Variants in ATF7IP observed in about 807,000 individuals in gnomAD.
The protein encoded by ATF7IP is activating transcription factor 7 interacting protein.
In ATF7IP, 23 loss-of-function variants were observed where a neutral mutation model predicts 106.4. The observed-to-expected ratio is 0.22, with a 90% CI of 0.16 to 0.31. ATF7IP has a LOEUF of 0.31. Among genes scored for constraint, ATF7IP ranks in the 10% least tolerant of loss-of-function variants. ATF7IP has a pLI of 1.00. For missense variants in ATF7IP, 1,334 were observed against 1,524.3 expected (o/e 0.88, Z 2.08); for synonymous variants, 542 against 539.0 (o/e 1.01, Z -0.08).
chr12:14,437,733 T>C (rs1195211091), intron 4 of ATF7IP, among the ~76,000 whole-genome samples: 1 of 152,232 alleles, frequency 6.6e-6, no homozygotes, highest in African/African-American at 2.4e-5. Context: ...TTAAGTTAGT[T>C]TGTCATTACT....
At chr12:14,432,246 A>G (rs1467750824) in intron 2 of ATF7IP, among the ~76,000 whole-genome samples, 1 of 152,190 alleles carries the variant, frequency 6.6e-6, no homozygotes, top group Non-Finnish European at 1.5e-5. Context: ...CTAAATAAAG[A>G]CTATGTAAAC....
rs938815732 is a variant in ATF7IP at position 14,411,489 on chromosome 12, A to G, written c.-7-12420A>G. Among the ~76,000 whole-genome samples, 7 of 152,128 alleles carry G rather than the reference A, an allele frequency of 4.6e-5. No homozygotes were observed. The East Asian group carries it at 1.3e-3, about 29-fold the overall frequency. On this transcript the variant is annotated intron_variant, in intron 1 of 14. Transcript: ENST00000261168. ...CACCATGGCACTTGTATACCTATGT[A>G]ACAAAACTGCACATTCTGCACATGT...
At chr12:14,495,183 G>T (rs570194250) in intron 13 of ATF7IP, among the ~76,000 whole-genome samples, 1 of 152,230 alleles carries the variant, frequency 6.6e-6, no homozygotes, top group East Asian at 1.9e-4. Context: ...GGGTGGATCT[G>T]CCTTCCCCAG....
chr12:14,480,805 C>G (rs1944405382), intron 12 of ATF7IP, among the ~76,000 whole-genome samples, 198 bp from the exon 13 acceptor site: 1 of 152,128 alleles, frequency 6.6e-6, no homozygotes, highest in Non-Finnish European at 1.5e-5. Context: ...TTCTTTTCCT[C>G]TGAAGCTTGG....
At chr12:14,471,943 TGG>T (rs1407335214) in intron 10 of ATF7IP, among the ~76,000 whole-genome samples, 3 of 152,152 alleles carry the variant, frequency 2.0e-5, no homozygotes, top group Admixed American at 2.0e-4. Flanking sequence ...AAATGATCAT[TGG>T]AAAAAGGCAA....
intron 1 of ATF7IP, among the ~76,000 whole-genome samples, chr12:14,380,174 A>G (rs190574667): frequency 2.0e-5 from 3 of 152,134 alleles, no homozygotes; most frequent in Admixed American, 2.0e-4. Context: ...ATAGCATTCT[A>G]TTCTTGACTC....
At chr12:14,397,533 G>T (rs376480872) in intron 1 of ATF7IP, among the ~76,000 whole-genome samples, 25 of 152,026 alleles carry the variant, frequency 1.6e-4, no homozygotes, top group African/African-American at 6.0e-4. Context: ...CTTTTATTGG[G>T]CATCCAAACA....
intron 1 of ATF7IP, among the ~76,000 whole-genome samples, chr12:14,416,396 TG>T (rs1403575294): frequency 6.6e-6 from 1 of 151,942 alleles, no homozygotes; most frequent in African/African-American, 2.4e-5. Flanking sequence ...TGAATATAAT[TG>T]GAATGCCTTT....
intron 1 of ATF7IP, among the ~76,000 whole-genome samples, chr12:14,398,218 G>T: frequency 6.6e-6 from 1 of 151,584 alleles, no homozygotes; most frequent in East Asian, 1.9e-4. Flanking sequence ...CATGCTTTGG[G>T]ATTATACCTT....
intron 10 of ATF7IP, among the ~76,000 whole-genome samples, chr12:14,474,662 G>A (rs1018183729): frequency 1.3e-5 from 2 of 152,118 alleles, no homozygotes; most frequent in African/African-American, 4.8e-5. Context: ...GCCAACCAAA[G>A]TACTGGGATT....
intron 5 of ATF7IP, among the ~76,000 whole-genome samples, chr12:14,441,610 C>T (rs923698951): frequency 6.6e-6 from 1 of 151,788 alleles, no homozygotes; most frequent in African/African-American, 2.4e-5. Flanking sequence ...CTGCCTCAGC[C>T]TCCCGAGCAG....
At chr12:14,415,029 A>T (rs1397053355) in intron 1 of ATF7IP, among the ~76,000 whole-genome samples, 1 of 152,114 alleles carries the variant, frequency 6.6e-6, no homozygotes. Context: ...TCAGCCTCCC[A>T]AGTAGCTGAG....
At chr12:14,433,797 C>G (rs999858698) in intron 2 of ATF7IP, among the ~76,000 whole-genome samples, 16 of 152,098 alleles carry the variant, frequency 1.1e-4, no homozygotes, top group African/African-American at 3.6e-4. Flanking sequence ...GCACCTAGCT[C>G]AGTTGTTGGC....
At chr12:14,396,020 A>T (rs1939820918) in intron 1 of ATF7IP, among the ~76,000 whole-genome samples, 1 of 152,220 alleles carries the variant, frequency 6.6e-6, no homozygotes, top group Admixed American at 6.5e-5. Flanking sequence ...CTGTAAAGAT[A>T]GGAAGGTGTA....
chr12:14,429,076 G>A (rs181204926), intron 2 of ATF7IP, among the ~76,000 whole-genome samples: 32 of 152,110 alleles, frequency 2.1e-4, no homozygotes, highest in Middle Eastern at 3.4e-3. Flanking sequence ...CTTTCTTTTA[G>A]TGCCATTCTT....
intron 6 of ATF7IP, among the ~76,000 whole-genome samples, chr12:14,453,566 A>G (rs573546298): frequency 6.7e-6 from 1 of 149,336 alleles, no homozygotes; most frequent in South Asian, 2.1e-4. Flanking sequence ...CATTTTGTTC[A>G]TGCACCCTTT....
Position 14,426,850 on chromosome 12 carries a change from AGG to A in ATF7IP, c.1558+1378_1558+1379del, listed in dbSNP as rs1187673540. Among the ~76,000 whole-genome samples, 37 of 49,184 alleles carry A rather than the reference AGG, an allele frequency of 7.5e-4. 1 individual carries two copies. Among genetic ancestry groups the A allele is most frequent in the South Asian group, 2.4e-3 (3 of 1,266 alleles). 32.3% of individuals were successfully genotyped at this position (49,184 alleles called of 152,430 possible). Reference sequence around the variant, plus strand: ...AAAAAAAAAAAAAAAAAAAAAAAAAAGGATGGCTTTTTATTTTCAAAGAGCAT... The same window carrying A: ...AAAAAAAAAAAAAAAAAAAAAAAAAAATGGCTTTTTATTTTCAAAGAGCAT... On this transcript the variant is annotated intron_variant, in intron 2 of 14. Transcript: ENST00000261168.
intron 13 of ATF7IP, chr12:14,481,424 C>G (rs942526114): frequency 5.4e-6 from 3 of 550,614 alleles, no homozygotes; most frequent in South Asian, 4.3e-5. Context: ...TCACCACACA[C>G]AAAAAAGGTA....
chr12:14,415,280 T>C lies in ATF7IP; in HGVS notation c.-7-8629T>C, dbSNP rs141888526. ...GTCATTTAATTTTATTTTGCCCATG[T>C]AACACAATGATCCCAAAAATTGACT... is the stretch of plus-strand genomic sequence containing the variant. On this transcript the variant is annotated intron_variant, in intron 1 of 14. Transcript: ENST00000261168. Among the ~76,000 whole-genome samples the C allele has an allele frequency of 2.7e-3, 418 of 152,352 alleles. 2 individuals are homozygous for C. The highest frequency in any genetic ancestry group is 9.7e-3 in the African/African-American group (404 of 41,574).
Sources: gnomAD v4.1 joint callset for allele counts (sites outside exome capture counted in the v4.1 genomes callset) on GRCh38, gnomAD v4.1.1 for gene constraint, MANE v1.5 for transcripts, NCBI Gene and HGNC (gene_info 2026-07-23, HGNC 2026-07-21) for gene names.